The following PDXDC1 variants were observed in gnomAD, a reference collection of about 807,000 sequenced individuals.
PDXDC1 encodes the protein pyridoxal-dependent decarboxylase domain-containing protein 1.
A neutral mutation model predicts 100.1 loss-of-function variants in PDXDC1; 42 were observed. The observed-to-expected ratio is 0.42, with a 90% CI of 0.33 to 0.54. The LOEUF is 0.54. Ranked by LOEUF, PDXDC1 falls within the 20% of genes least tolerant of loss-of-function variation. The pLI is 0.10. For synonymous variants in PDXDC1, 260 were observed against 371.7 expected, an observed-to-expected ratio of 0.70 and a Z score of 3.46; for missense variants, 636 against 979.2, an observed-to-expected ratio of 0.65 and a Z score of 4.68.
At chr16:15,039,836 T>C (rs2043728757), downstream of PDXDC1, 1 of 662,134 alleles carries the variant, frequency 1.5e-6, no homozygotes. Flanking sequence ...TATATGTATG[T>C]GCTGGTCCCT....
At chr16:15,064,736 C>CT (rs1360026456) in intron 16 of PDXDC1, among the ~76,000 whole-genome samples, 2 of 152,196 alleles carry the variant, frequency 1.3e-5, no homozygotes, top group East Asian at 3.8e-4. Flanking sequence ...GCAAGTCCTG[C>CT]TAGGCATCCT....
chr16:15,020,451 G>T (rs1279519439), intron 12 of PDXDC1, among the ~76,000 whole-genome samples: 1 of 152,262 alleles, frequency 6.6e-6, no homozygotes, highest in African/African-American at 2.4e-5. Flanking sequence ...AGCACTTTGG[G>T]AGGCCGAGGT....
chr16:15,124,108 TTCA>T (rs2047572423), intron 16 of PDXDC1, among the ~76,000 whole-genome samples: 1 of 152,134 alleles, frequency 6.6e-6, no homozygotes. Context: ...AGAAACAAAG[TTCA>T]TCAGCTTCTC....
At chr16:15,063,574 G>A (rs1374222301) in intron 16 of PDXDC1, among the ~76,000 whole-genome samples, 1 of 151,762 alleles carries the variant, frequency 6.6e-6, no homozygotes, top group African/African-American at 2.4e-5. Context: ...CGGGTGTGGT[G>A]GCGGACACCT....
intron 16 of PDXDC1, chr16:15,080,117 T>C (rs1388101601): frequency 1.9e-6 from 3 of 1,586,040 alleles, no homozygotes; most frequent in Non-Finnish European, 2.6e-6. Context: ...AAATGTAAGA[T>C]AAAACATTTC....
At chr16:14,977,658 AAAG>A (rs1206081952) in intron 1 of PDXDC1, among the ~76,000 whole-genome samples, 1 of 152,292 alleles carries the variant, frequency 6.6e-6, no homozygotes, top group African/African-American at 2.4e-5. Flanking sequence ...ATTGGGCAGA[AAAG>A]AAAAAGCATT....
chr16:15,045,682 T>C (rs573998683), intron 16 of PDXDC1: 3 of 152,334 alleles, frequency 2.0e-5, no homozygotes, highest in East Asian at 1.9e-4. Flanking sequence ...ACACTGCGCA[T>C]TGCACAGTGA....
intron 16 of PDXDC1, among the ~76,000 whole-genome samples, chr16:15,115,010 G>T (rs1312753143): frequency 2.8e-5 from 4 of 141,486 alleles, no homozygotes; most frequent in Admixed American, 2.2e-4. Context: ...ATCTCGGCTC[G>T]CTACAACCTC....
intron 16 of PDXDC1, chr16:15,056,013 C>A: frequency 7.3e-6 from 8 of 1,099,976 alleles, no homozygotes; most frequent in African/African-American, 1.6e-5. Flanking sequence ...AGGCGGCGGC[C>A]CCCCGCTTTG....
At chr16:15,071,788 A>G (rs2045242488) in intron 16 of PDXDC1, among the ~76,000 whole-genome samples, 1 of 152,114 alleles carries the variant, frequency 6.6e-6, no homozygotes, top group South Asian at 2.1e-4. Context: ...CAAACAAAAA[A>G]CAACAAAAAA....
At chr16:14,992,012 G>A (rs1255575828) in intron 1 of PDXDC1, among the ~76,000 whole-genome samples, 2 of 152,290 alleles carry the variant, frequency 1.3e-5, no homozygotes, top group African/African-American at 4.8e-5. Context: ...AAATTAGTAG[G>A]AGTCTGAATC....
chr16:15,017,602 TTC>T (rs1274295307), intron 11 of PDXDC1, among the ~76,000 whole-genome samples, 180 bp downstream of exon 11: 4 of 152,406 alleles, frequency 2.6e-5, no homozygotes, highest in East Asian at 1.9e-4. Flanking sequence ...TTGTATAATA[TTC>T]TGTCACAATT....
At chr16:15,131,615 C>T (rs1242146985) in intron 16 of PDXDC1, 9 of 1,601,164 alleles carry the variant, frequency 5.6e-6, no homozygotes, top group Non-Finnish European at 7.7e-6. Context: ...AGGTTGTAGG[C>T]CTGGGACGCC....
the PDXDC1 span, among the ~76,000 whole-genome samples, chr16:15,148,013 G>C: frequency 4.0e-5 from 6 of 150,314 alleles, no homozygotes; most frequent in African/African-American, 1.5e-4. Context: ...TTTTTTTAAA[G>C]ACCGTTTCCT....
At position 15,009,895 on chromosome 16, in the gene PDXDC1, A is replaced by C. The variant is rs906931938; in HGVS notation, c.727+136A>C. The C allele has an allele frequency of 2.5e-5, 37 of 1,495,664 alleles. No homozygotes were observed. The African/African-American group carries it at 4.9e-4, about 20-fold the overall frequency. The allele number at this position is 1,495,664 out of a possible 1,614,324, so 92.6% of individuals were successfully genotyped here. ...ATAGTCCATATCCACATTGTAGCAA[A>C]AACTGTAATAGTAAGGTTGGCTCGT... On this transcript the variant is annotated intron_variant, in intron 8 of 22. Transcript: ENST00000396410.
At chr16:15,122,314 G>A (rs1190634923) in intron 16 of PDXDC1, among the ~76,000 whole-genome samples, 2 of 147,750 alleles carry the variant, frequency 1.4e-5, no homozygotes, top group Middle Eastern at 3.5e-3. Context: ...GGGCCCAAGC[G>A]ATCCTCCCAC....
chr16:15,030,708 G>A (rs1369453903), intron 16 of PDXDC1, among the ~76,000 whole-genome samples: 3 of 150,734 alleles, frequency 2.0e-5, no homozygotes, highest in South Asian at 4.2e-4. Flanking sequence ...CTCAGCCCCC[G>A]AGGAGTTGGG....
At chr16:15,040,247 G>C (rs1026248401), downstream of PDXDC1, 5 of 432,150 alleles carry the variant, frequency 1.2e-5, no homozygotes, top group Admixed American at 8.6e-5. Flanking sequence ...CAAGCATCTC[G>C]GTGAAAATCG....
chr16:15,132,258 G>A (rs1162101779), intron 16 of PDXDC1, among the ~76,000 whole-genome samples: 4 of 20,990 alleles, frequency 1.9e-4, no homozygotes, highest in African/African-American at 6.4e-4. Flanking sequence ...GGGAGGAGTG[G>A]AGGGGCTCAG....
Sources: allele counts gnomAD v4.1 joint callset (sites outside exome capture counted in the v4.1 genomes callset), GRCh38; gene constraint gnomAD v4.1.1; transcripts MANE v1.5; gene names NCBI Gene and HGNC (gene_info 2026-07-23, HGNC 2026-07-21).